Variants in PTPRR observed in about 807,000 individuals in gnomAD.
PTPRR encodes the protein receptor-type tyrosine-protein phosphatase R.
A neutral mutation model predicts 77.2 loss-of-function variants in PTPRR; 38 were observed. The observed-to-expected ratio is 0.49, with a 90% CI of 0.38 to 0.65. The LOEUF is 0.65. Ranked by LOEUF, PTPRR falls within the 30% of genes least tolerant of loss-of-function variation. PTPRR has a pLI of 0.00. For synonymous variants in PTPRR, 299 were observed against 283.1 expected (o/e 1.06, Z -0.57); for missense variants, 744 against 799.2 (o/e 0.93, Z 0.83).
intron 2 of PTPRR, among the ~76,000 whole-genome samples, chr12:70,831,717 G>A (rs1892215987): frequency 6.6e-6 from 1 of 152,266 alleles, no homozygotes; most frequent in Admixed American, 6.5e-5. Context: ...TGGCTCACCT[G>A]CATGTAGCCA....
intron 2 of PTPRR, among the ~76,000 whole-genome samples, chr12:70,870,682 C>T (rs903800124): frequency 6.6e-6 from 1 of 152,204 alleles, no homozygotes; most frequent in Non-Finnish European, 1.5e-5. Flanking sequence ...CTAAGTCATC[C>T]TGACAACTAT....
chr12:70,752,424 A>G (rs1309543266), intron 5 of PTPRR, among the ~76,000 whole-genome samples: 1 of 152,198 alleles, frequency 6.6e-6, no homozygotes, highest in Non-Finnish European at 1.5e-5. Flanking sequence ...TCTGGCCCCA[A>G]GTGGTTGAGG....
At chr12:70,757,872 GA>G (rs1426346646) in intron 4 of PTPRR, among the ~76,000 whole-genome samples, 1 of 152,106 alleles carries the variant, frequency 6.6e-6, no homozygotes, top group Non-Finnish European at 1.5e-5. Flanking sequence ...ATTAACCACA[GA>G]AAAAATGAAT....
chr12:70,733,490 A>AAG (rs1285904043), intron 6 of PTPRR, among the ~76,000 whole-genome samples: 1 of 143,136 alleles, frequency 7.0e-6, no homozygotes, highest in African/African-American at 2.6e-5. Context: ...AAGAAAAAAA[A>AAG]AGAAAAAAAA....
At chr12:70,714,110 T>C (rs1246478918) in intron 6 of PTPRR, among the ~76,000 whole-genome samples, 1 of 152,164 alleles carries the variant, frequency 6.6e-6, no homozygotes, top group African/African-American at 2.4e-5. Flanking sequence ...CTCTGTGGTC[T>C]TCATGACTGT....
intron 1 of PTPRR, among the ~76,000 whole-genome samples, chr12:70,918,456 A>T (rs1028928568): frequency 2.0e-5 from 3 of 152,200 alleles, no homozygotes; most frequent in Non-Finnish European, 4.4e-5. Flanking sequence ...GCAAATTAAA[A>T]AGTTGAAGTA....
At chr12:70,786,106 C>G (rs957252582) in intron 2 of PTPRR, among the ~76,000 whole-genome samples, 2 of 152,166 alleles carry the variant, frequency 1.3e-5, no homozygotes, top group African/African-American at 4.8e-5. Flanking sequence ...AAGCTCAACA[C>G]TCAGGCAAAT....
At chr12:70,747,086 G>A (rs1350593049) in intron 5 of PTPRR, among the ~76,000 whole-genome samples, 1 of 152,162 alleles carries the variant, frequency 6.6e-6, no homozygotes, top group African/African-American at 2.4e-5. Context: ...TTTCAAGCAA[G>A]TGTAATGTGT....
intron 2 of PTPRR, among the ~76,000 whole-genome samples, chr12:70,780,048 G>A (rs1037287781): frequency 1.3e-4 from 19 of 151,652 alleles, no homozygotes; most frequent in African/African-American, 4.6e-4. Flanking sequence ...CTGAAGTGCA[G>A]TGGTGCAATC....
chr12:70,818,082 C>A (rs1891937060), intron 2 of PTPRR, among the ~76,000 whole-genome samples: 2 of 151,736 alleles, frequency 1.3e-5, no homozygotes, highest in South Asian at 4.2e-4. Flanking sequence ...TGTGGTGGTG[C>A]CTGCCTGTAA....
At chr12:70,900,321 T>C (rs917607849) in intron 1 of PTPRR, among the ~76,000 whole-genome samples, 6 of 151,332 alleles carry the variant, frequency 4.0e-5, no homozygotes, top group African/African-American at 1.5e-4. Context: ...TGGTGCAAAA[T>C]AGAGATTTCA....
chr12:70,916,609 T>C (rs1347466435), intron 1 of PTPRR, among the ~76,000 whole-genome samples: 1 of 145,784 alleles, frequency 6.9e-6, no homozygotes, highest in African/African-American at 2.6e-5. Flanking sequence ...TATGCACTTC[T>C]CTGAGAGATT....
At chr12:70,880,915 ATTT>A (rs1565728794) in intron 2 of PTPRR, among the ~76,000 whole-genome samples, 1 of 152,052 alleles carries the variant, frequency 6.6e-6, no homozygotes, top group African/African-American at 2.4e-5. Context: ...TATCAATTTG[ATTT>A]TTTATTTTAA....
At chr12:70,877,044 G>A (rs1405869237) in intron 2 of PTPRR, among the ~76,000 whole-genome samples, 1 of 152,184 alleles carries the variant, frequency 6.6e-6, no homozygotes, top group Non-Finnish European at 1.5e-5. Flanking sequence ...GAGATCCAAA[G>A]TTCAAAGTCA....
At chr12:70,672,761 G>A in intron 10 of PTPRR, 3 of 1,555,982 alleles carry the variant, frequency 1.9e-6, no homozygotes, top group Non-Finnish European at 2.6e-6. Context: ...ACCTCCCCAG[G>A]TGTTGGTGTA....
intron 2 of PTPRR, among the ~76,000 whole-genome samples, chr12:70,852,214 G>A (rs945204760): frequency 1.3e-4 from 20 of 152,068 alleles, no homozygotes. Flanking sequence ...CGAGAACTAG[G>A]AAGATGTAAA....
chr12:70,771,307 T>C (rs1890971028), intron 2 of PTPRR, among the ~76,000 whole-genome samples: 1 of 151,988 alleles, frequency 6.6e-6, no homozygotes, highest in Non-Finnish European at 1.5e-5. Flanking sequence ...CAGGAAACCA[T>C]ATACTGCATG....
intron 6 of PTPRR, among the ~76,000 whole-genome samples, chr12:70,721,368 T>C (rs974258771): frequency 6.6e-6 from 1 of 152,166 alleles, no homozygotes; most frequent in Non-Finnish European, 1.5e-5. Context: ...CTATTGTGAA[T>C]AACAATGGAC....
chr12:70,893,136 C>G (rs996889259), intron 1 of PTPRR, among the ~76,000 whole-genome samples, 159 bp from the exon 2 acceptor site: 12 of 151,906 alleles, frequency 7.9e-5, no homozygotes, highest in Non-Finnish European at 1.6e-4. Context: ...TGATCCTCAA[C>G]AAATAGTATA....
Sources: allele counts gnomAD v4.1 joint callset (sites outside exome capture counted in the v4.1 genomes callset), GRCh38; gene constraint gnomAD v4.1.1; transcripts MANE v1.5; gene names NCBI Gene and HGNC (gene_info 2026-07-23, HGNC 2026-07-21).